FHIT: variants seen among roughly 807,000 people sequenced by gnomAD.
FHIT encodes bis(5'-adenosyl)-triphosphatase.
A neutral mutation model predicts 17.9 loss-of-function variants in FHIT; 19 were observed. That is an observed-to-expected ratio of 1.06 (90% CI 0.74 to 1.56). FHIT has a LOEUF of 1.56. Among genes scored for constraint, FHIT ranks in the 40% most tolerant of loss-of-function variants. The probability of loss-of-function intolerance (pLI) is 0.00; values close to 1 mark genes in which losing one functional copy is unlikely to be tolerated. For synonymous variants in FHIT, 81 were observed against 69.7 expected, an observed-to-expected ratio of 1.16 and a Z score of -0.81; for missense variants, 248 against 189.2, an observed-to-expected ratio of 1.31 and a Z score of -1.82.
intron 8 of FHIT, among the ~76,000 whole-genome samples, chr3:59,836,526 T>C (rs180826881): frequency 3.9e-5 from 6 of 152,134 alleles, no homozygotes; most frequent in Non-Finnish European, 8.8e-5. Flanking sequence ...GCACATGCCA[T>C]ATGAGCTTGG....
chr3:60,127,452 T>C (rs1446261199), intron 5 of FHIT, among the ~76,000 whole-genome samples: 4 of 152,156 alleles, frequency 2.6e-5, no homozygotes, highest in African/African-American at 9.7e-5. Flanking sequence ...GCCCTGGAAA[T>C]GTTCTACAAC....
At chr3:60,522,374 T>C (rs866888738) in intron 5 of FHIT, among the ~76,000 whole-genome samples, 22 of 152,108 alleles carry the variant, frequency 1.4e-4, no homozygotes, top group African/African-American at 5.3e-4. Context: ...CCTCCCAAAG[T>C]GTTGGGATTA....
At chr3:60,795,724 A>G (rs1415453680) in intron 4 of FHIT, among the ~76,000 whole-genome samples, 3 of 152,132 alleles carry the variant, frequency 2.0e-5, no homozygotes, top group African/African-American at 7.2e-5. Flanking sequence ...CATGTTACCC[A>G]GCCTGGTCTT....
At chr3:60,095,015 A>G (rs1265977870) in intron 5 of FHIT, among the ~76,000 whole-genome samples, 3 of 152,206 alleles carry the variant, frequency 2.0e-5, no homozygotes, top group African/African-American at 7.2e-5. Flanking sequence ...TCTGTTTTAC[A>G]TAATTAAGGG....
At chr3:60,062,991 A>G (rs919069080) in intron 5 of FHIT, among the ~76,000 whole-genome samples, 10 of 152,198 alleles carry the variant, frequency 6.6e-5, no homozygotes, top group Non-Finnish European at 1.5e-5. Context: ...AATGTTCCAC[A>G]ATGAGACCGC....
At chr3:59,922,292 A>G in intron 8 of FHIT, 54 bp downstream of exon 8, 1 of 1,383,188 alleles carries the variant, frequency 7.2e-7, no homozygotes, top group East Asian at 2.3e-5. Flanking sequence ...GGTTGATGTC[A>G]TCCCACCGAC....
At chr3:60,887,410 C>A (rs1553759507) in intron 3 of FHIT, among the ~76,000 whole-genome samples, 1 of 152,060 alleles carries the variant, frequency 6.6e-6, no homozygotes, top group African/African-American at 2.4e-5. Context: ...TTTGGGAGGC[C>A]AAGGTGGGCA....
Position 59,988,035 on chromosome 3 carries a change from T to C in FHIT, c.279+23336A>G, listed in dbSNP as rs545589209. On this transcript the variant is annotated intron_variant, in intron 7 of 9. Transcript: ENST00000492590. ...GTAAAAGTCCCTCTCTTTTGTTTCC[T>C]GGGTAATTATTTCACACATTTGGGA... Among the ~76,000 whole-genome samples, 7 of 152,204 alleles carry C rather than the reference T, an allele frequency of 4.6e-5. No homozygotes were observed. In the East Asian group the frequency reaches 1.4e-3, roughly 29 times the overall value.
At chr3:61,222,238 T>C (rs981613385) in intron 1 of FHIT, among the ~76,000 whole-genome samples, 1 of 152,170 alleles carries the variant, frequency 6.6e-6, no homozygotes, top group Admixed American at 6.5e-5. Context: ...CAGAACAAGG[T>C]TGGCATGGAC....
chr3:60,830,217 G>A (rs1553742143), intron 3 of FHIT, among the ~76,000 whole-genome samples: 1 of 151,922 alleles, frequency 6.6e-6, no homozygotes, highest in Admixed American at 6.6e-5. Context: ...ACTTCTGTTT[G>A]TTTTTCTCTT....
At chr3:61,222,022 G>A (rs1319205305) in intron 1 of FHIT, among the ~76,000 whole-genome samples, 1 of 152,190 alleles carries the variant, frequency 6.6e-6, no homozygotes, top group Non-Finnish European at 1.5e-5. Context: ...TCTGCTCCTG[G>A]CTCCTGGCCC....
chr3:60,029,298 C>T (rs1263101397), intron 5 of FHIT, among the ~76,000 whole-genome samples: 1 of 152,114 alleles, frequency 6.6e-6, no homozygotes, highest in Non-Finnish European at 1.5e-5. Flanking sequence ...TAGTCCCACA[C>T]TGCTGTATAA....
intron 5 of FHIT, among the ~76,000 whole-genome samples, chr3:60,184,611 A>G (rs1489854398): frequency 6.6e-6 from 1 of 152,288 alleles, no homozygotes; most frequent in East Asian, 1.9e-4. Flanking sequence ...CACTGGTTGA[A>G]GTATTGTTTA....
At chr3:60,461,567 A>T (rs1439540343) in intron 5 of FHIT, among the ~76,000 whole-genome samples, 1 of 152,200 alleles carries the variant, frequency 6.6e-6, no homozygotes, top group Non-Finnish European at 1.5e-5. Flanking sequence ...CTTCTCTCCA[A>T]CGCTGTACAG....
At chr3:61,237,033 A>G (rs2040246175) in intron 1 of FHIT, among the ~76,000 whole-genome samples, 1 of 152,222 alleles carries the variant, frequency 6.6e-6, no homozygotes, top group Non-Finnish European at 1.5e-5. Context: ...TCTCTTTTGT[A>G]GACATACAAC....
chr3:60,728,321 A>T (rs1238167845), intron 4 of FHIT, among the ~76,000 whole-genome samples: 1 of 152,212 alleles, frequency 6.6e-6, no homozygotes, highest in Non-Finnish European at 1.5e-5. Flanking sequence ...CATTTCTGGC[A>T]GATCCACATT....
At chr3:59,891,839 T>C (rs1389979016) in intron 8 of FHIT, among the ~76,000 whole-genome samples, 2 of 152,192 alleles carry the variant, frequency 1.3e-5, no homozygotes, top group African/African-American at 4.8e-5. Context: ...CAGGGAAGAC[T>C]CTGGGGAACA....
intron 5 of FHIT, among the ~76,000 whole-genome samples, chr3:60,355,862 G>A (rs1267465480): frequency 1.3e-5 from 2 of 152,136 alleles, no homozygotes; most frequent in Non-Finnish European, 2.9e-5. Flanking sequence ...AGTAGGTAAT[G>A]ACATAAATAC....
At chr3:59,765,086 G>A (rs1031559364) in intron 8 of FHIT, among the ~76,000 whole-genome samples, 1 of 152,158 alleles carries the variant, frequency 6.6e-6, no homozygotes, top group African/African-American at 2.4e-5. Context: ...AACAGCCATG[G>A]CTGAGAGATA....
Sources: gnomAD v4.1 joint callset for allele counts (sites outside exome capture counted in the v4.1 genomes callset) on GRCh38, gnomAD v4.1.1 for gene constraint, MANE v1.5 for transcripts, NCBI Gene and HGNC (gene_info 2026-07-23, HGNC 2026-07-21) for gene names.